Variants in VPS13D observed in about 807,000 individuals in gnomAD.
VPS13D encodes vacuolar protein sorting 13 homolog D.
A neutral mutation model predicts 461.9 loss-of-function variants in VPS13D; 187 were observed. That is an observed-to-expected ratio of 0.40 (90% confidence interval 0.36 to 0.46). The LOEUF is 0.46. Ranked by LOEUF, VPS13D falls within the 20% of genes least tolerant of loss-of-function variation. The pLI is 0.60. For synonymous variants in VPS13D, 1,951 were observed against 1,986.3 expected, an observed-to-expected ratio of 0.98 and a Z score of 0.47; for missense variants, 4,711 against 5,364.9, an observed-to-expected ratio of 0.88 and a Z score of 3.81.
chr1:12,456,246 G>A, intron 66 of VPS13D, 116 bp downstream of exon 66: 3 of 1,412,542 alleles, frequency 2.1e-6, no homozygotes, highest in South Asian at 1.5e-5. Context: ...GCTCATGCTT[G>A]TAATCCCAGC....
chr1:12,395,804 A>G (rs1349078959), intron 60 of VPS13D, among the ~76,000 whole-genome samples: 2 of 151,662 alleles, frequency 1.3e-5, no homozygotes, highest in Non-Finnish European at 1.5e-5. Flanking sequence ...AAGGACTATC[A>G]GCATTCTCCA....
Position 12,293,594 on chromosome 1 carries a change from C to G in VPS13D, c.5923C>G (p.Gln1975Glu), listed in dbSNP as rs1268304486. 1 of 1,614,168 alleles carries G rather than the reference C, an allele frequency of 6.2e-7. No individual in the cohort carries two copies. Among genetic ancestry groups the G allele is most frequent in the Admixed American group, 1.7e-5 (1 of 60,018 alleles). Residue 1975 changes from glutamine (Q) to glutamate (E), a missense_variant, in exon 24 of 70, where the codon CAG becomes GAG. Coordinates refer to ENST00000620676, the MANE Select transcript of VPS13D (RefSeq NM_015378.4). ...IRVSLRMASVQYVHTQRFQAE... is the reference protein window; with the variant it reads ...IRVSLRMASVEYVHTQRFQAE... ...CGTGAGCCTCCGGATGGCCTCTGTG[C>G]AGTATGTGCATACTCAGCGTTTCCA...
chr1:12,295,239 A>AC (rs1390504643), intron 24 of VPS13D, among the ~76,000 whole-genome samples: 4 of 151,848 alleles, frequency 2.6e-5, no homozygotes, highest in East Asian at 3.9e-4. Context: ...AAAAAAAAAA[A>AC]ACAAAACTTT....
chr1:12,381,902 T>C (rs1381557749), intron 57 of VPS13D, among the ~76,000 whole-genome samples: 2 of 105,814 alleles, frequency 1.9e-5, no homozygotes, highest in Admixed American at 1.1e-4. Context: ...GTCTGTCTTT[T>C]TTTCTTTTTC....
At chr1:12,251,138 A>G (rs1640718417) in intron 6 of VPS13D, among the ~76,000 whole-genome samples, 1 of 150,816 alleles carries the variant, frequency 6.6e-6, no homozygotes, top group African/African-American at 2.4e-5. Flanking sequence ...ACGGTGGAGT[A>G]GTGTAGTTGC....
At chr1:12,416,930 G>A in intron 65 of VPS13D, 103 bp downstream of exon 65, 1 of 1,307,108 alleles carries the variant, frequency 7.7e-7, no homozygotes, top group Admixed American at 2.8e-5. Flanking sequence ...TTATATTCAT[G>A]GCTTTTGCTT....
At chr1:12,295,038 A>G (rs542505462) in intron 24 of VPS13D, among the ~76,000 whole-genome samples, 4 of 152,178 alleles carry the variant, frequency 2.6e-5, no homozygotes, top group Non-Finnish European at 4.4e-5. Flanking sequence ...CCTGGGCAAC[A>G]TGGTGGAATT....
rs2101485207 is a variant in VPS13D, at chr1:12,308,284, G to GT, written c.6440-143dup. 4 of 836,034 alleles carry GT rather than the reference G, an allele frequency of 4.8e-6. No individual in the cohort carries two copies. The East Asian group carries it at 8.0e-5, about 17-fold the overall frequency. The allele number at this position is 836,034 out of a possible 1,614,324, so 51.8% of individuals were successfully genotyped here. A position where few individuals can be genotyped will look rare whatever the true frequency, so the allele number is the denominator to read the frequency against. ...CATAGTGGAGACTCCTGGACAGCCA[G>GT]TTTTCTGAGTAGTGGACAGTGTGGG... On this transcript the variant is annotated intron_variant, in intron 26 of 69. Transcript: ENST00000620676.
In VPS13D at chr1:12,355,939, C is replaced by T; in HGVS notation, c.9720C>T (p.Leu3240=). The T allele has an allele frequency of 6.2e-7, 1 of 1,609,470 alleles. No homozygotes were observed. The highest frequency in any genetic ancestry group is 8.5e-7 in the Non-Finnish European group (1 of 1,176,986). Residue 3240 remains leucine, a synonymous_variant, in exon 48 of 70, where the codon CTC becomes CTT. Transcript: ENST00000620676. The part of the protein sequence containing the change: ...LENFPLCKEL[L]IPPGTQNYMV... ...ATTTCCCCCTCTGTAAAGAATTGCT[C>T]ATTCCACCTGGAACCCAAAACTATA... is the stretch of plus-strand genomic sequence containing the variant.
At chr1:12,384,859 GA>G (rs1239853768) in intron 58 of VPS13D, among the ~76,000 whole-genome samples, 1 of 152,114 alleles carries the variant, frequency 6.6e-6, no homozygotes, top group Admixed American at 6.6e-5. Context: ...GGGATCAAGC[GA>G]TCTTCCCACC....
In VPS13D at chr1:12,311,486, T is replaced by A; in HGVS notation, c.6683T>A (p.Ile2228Asn). 6.2e-7 allele frequency: 1 copy of A among 1,614,072 alleles called. No homozygotes were observed. The highest frequency in any genetic ancestry group is 8.5e-7 in the Non-Finnish European group (1 of 1,179,992). Residue 2228 changes from isoleucine to asparagine, a missense_variant, in exon 28 of 70, where the codon ATC becomes AAC. This residue lies in a region of VPS13D where 4,411 missense variants were observed against 4,937.8 expected (regional missense o/e 0.89). Coordinates refer to ENST00000620676, the MANE Select transcript of VPS13D (RefSeq NM_015378.4). The part of the protein sequence containing the change: ...EISHTVPDIS[I>N]HGNLSSVHCS... ...AGTCATACTGTGCCAGACATATCTA[T>A]CCATGGCAATCTCTCCTCAGTCCAC...
chr1:12,352,205 C>T (rs1009567213), intron 46 of VPS13D, among the ~76,000 whole-genome samples: 7 of 151,736 alleles, frequency 4.6e-5, no homozygotes, highest in Admixed American at 3.3e-4. Context: ...GCAGGAGAAT[C>T]GCTTGAATCT....
chr1:12,450,955 TA>T, intron 65 of VPS13D, among the ~76,000 whole-genome samples: 1 of 152,272 alleles, frequency 6.6e-6, no homozygotes, highest in East Asian at 1.9e-4. Context: ...GCAAAGATAT[TA>T]AAGAGGAAAT....
intron 25 of VPS13D, among the ~76,000 whole-genome samples, chr1:12,300,658 CTGT>C (rs1206019208): frequency 6.6e-6 from 1 of 152,072 alleles, no homozygotes; most frequent in Non-Finnish European, 1.5e-5. Flanking sequence ...AGGATGAGGA[CTGT>C]TGTTATTTGT....
intron 13 of VPS13D, 122 bp downstream of exon 13, chr1:12,262,202 T>G (rs1258178932): frequency 1.9e-6 from 2 of 1,042,684 alleles, no homozygotes; most frequent in African/African-American, 3.2e-5. Context: ...TATTAGCTAA[T>G]GTGGAACCAT....
intron 32 of VPS13D, among the ~76,000 whole-genome samples, chr1:12,321,277 G>A (rs1643028394): frequency 6.6e-6 from 1 of 152,130 alleles, no homozygotes; most frequent in African/African-American, 2.4e-5. Flanking sequence ...GATATTGTGA[G>A]GAGGGAAAAT....
Position 12,234,191 on chromosome 1 carries a change from AT to A in VPS13D, c.-71del. ...GATTTTCATTATTTTCCTTTCATAG[AT>A]TTTTCTGTGACCATGAAAGAGAGAA... On this transcript the variant is annotated splice_region_variant and 5_prime_UTR_variant, in exon 2 of 70. Coordinates refer to ENST00000620676, the MANE Select transcript of VPS13D (RefSeq NM_015378.4). The A allele has an allele frequency of 1.8e-6, 2 of 1,105,324 alleles. No homozygotes were observed. Among genetic ancestry groups the A allele is most frequent in the Non-Finnish European group, 2.7e-6 (2 of 746,418 alleles). The allele number at this position is 1,105,324 out of a possible 1,614,324, so 68.5% of individuals were successfully genotyped here. A position where few individuals can be genotyped will look rare whatever the true frequency, so the allele number is the denominator to read the frequency against.
In VPS13D at chr1:12,497,541, G is replaced by C. The variant is rs762927468; in HGVS notation, c.12704G>C (p.Gly4235Ala). The change falls in exon 68 of 70, where the codon GGG (glycine) becomes GCG (alanine). Residue 4235 changes from glycine to alanine, a missense_variant. Coordinates refer to ENST00000620676, the MANE Select transcript of VPS13D (RefSeq NM_015378.4). ...QRVRKPRCCTGPQGLLPRYSE... is the reference protein window; with the variant it reads ...QRVRKPRCCTAPQGLLPRYSE... ...GTTCGGAAACCGCGTTGCTGCACGG[G>C]GCCCCAGGGGCTGCTTCCCCGATAT... 5.6e-6 allele frequency: 9 copies of C among 1,614,068 alleles called. No individual in the cohort carries two copies. The Middle Eastern group carries it at 6.6e-4, about 118-fold the overall frequency.
At chr1:12,422,260 CA>C (rs1644873794) in intron 65 of VPS13D, among the ~76,000 whole-genome samples, 1 of 152,128 alleles carries the variant, frequency 6.6e-6, no homozygotes, top group Non-Finnish European at 1.5e-5. Context: ...GTGTTCTTAA[CA>C]AATTATTTTC....
Sources: allele counts gnomAD v4.1 joint callset (sites outside exome capture counted in the v4.1 genomes callset), GRCh38; gene constraint gnomAD v4.1.1; regional missense constraint gnomAD v4.1.1; transcripts MANE v1.5; gene names NCBI Gene and HGNC (gene_info 2026-07-23, HGNC 2026-07-21).